The following ADGRL2 variants were observed in gnomAD, a reference collection of about 807,000 sequenced individuals.
The protein encoded by ADGRL2 is calcium-independent alpha-latrotoxin receptor 2.
ADGRL2 carries 44 observed loss-of-function variants against 157.4 expected under a neutral mutation model. The ratio of observed to expected loss-of-function variants is 0.28; its 90% CI spans 0.22 to 0.36. ADGRL2 has a LOEUF of 0.36. Ranked by LOEUF, ADGRL2 falls within the 10% of genes least tolerant of loss-of-function variation. The pLI is 1.00. For missense variants in ADGRL2, 1,510 were observed against 1,768.9 expected (o/e 0.85, Z 2.63); for synonymous variants, 585 against 624.7 (o/e 0.94, Z 0.95).
At chr1:81,681,768 G>A (rs575826058) in intron 3 of ADGRL2, among the ~76,000 whole-genome samples, 1 of 152,284 alleles carries the variant, frequency 6.6e-6, no homozygotes, top group African/African-American at 2.4e-5. Context: ...GTGGGGCTTT[G>A]CCAAGCACTT....
intron 1 of ADGRL2, among the ~76,000 whole-genome samples, chr1:81,311,636 G>C (rs1250588500): frequency 1.3e-5 from 2 of 152,120 alleles, no homozygotes; most frequent in Non-Finnish European, 2.9e-5. Context: ...ACAAATTTGA[G>C]AGGAACATCT....
chr1:81,762,094 T>C (rs190379570), intron 2 of ADGRL2, among the ~76,000 whole-genome samples: 18 of 152,230 alleles, frequency 1.2e-4, no homozygotes, highest in African/African-American at 4.1e-4. Context: ...CTCTGTTGGA[T>C]TGCAGTTGAA....
intron 1 of ADGRL2, among the ~76,000 whole-genome samples, chr1:81,411,797 G>T (rs181465027): frequency 6.6e-6 from 1 of 151,472 alleles, no homozygotes; most frequent in East Asian, 2.0e-4. Context: ...GGAGAATGGC[G>T]TGAACCCGGG....
intron 2 of ADGRL2, among the ~76,000 whole-genome samples, chr1:81,896,572 T>C (rs1017301280): frequency 2.0e-5 from 3 of 152,076 alleles, no homozygotes; most frequent in Non-Finnish European, 2.9e-5. Context: ...AAAACTTTAA[T>C]ATATATATAA....
intron 2 of ADGRL2, among the ~76,000 whole-genome samples, chr1:81,549,761 G>C (rs922858954): frequency 1.3e-5 from 2 of 152,130 alleles, no homozygotes; most frequent in African/African-American, 4.8e-5. Flanking sequence ...GAAAGAATCA[G>C]ACTAATGGGC....
chr1:81,884,724 C>G (rs1194524347), intron 2 of ADGRL2, among the ~76,000 whole-genome samples: 4 of 152,150 alleles, frequency 2.6e-5, no homozygotes, highest in Non-Finnish European at 5.9e-5. Context: ...TGACCCCATA[C>G]TGAGTTTAAG....
At chr1:81,575,431 G>A (rs1264871151) in intron 2 of ADGRL2, among the ~76,000 whole-genome samples, 1 of 151,744 alleles carries the variant, frequency 6.6e-6, no homozygotes, top group Non-Finnish European at 1.5e-5. Context: ...AAGAGAAACA[G>A]TCTGCTAATC....
chr1:81,957,469 C>T (rs1308163994), intron 11 of ADGRL2, among the ~76,000 whole-genome samples: 1 of 152,114 alleles, frequency 6.6e-6, no homozygotes, highest in African/African-American at 2.4e-5. Flanking sequence ...GAGGCCGAGG[C>T]AGGCACATTG....
At chr1:81,720,755 C>A (rs928455593) in intron 1 of ADGRL2, among the ~76,000 whole-genome samples, 1 of 151,868 alleles carries the variant, frequency 6.6e-6, no homozygotes, top group Admixed American at 6.6e-5. Flanking sequence ...CCAAAATCAA[C>A]CACAAGTCAC....
intron 1 of ADGRL2, among the ~76,000 whole-genome samples, chr1:81,707,005 G>A (rs2083757945): frequency 6.6e-6 from 1 of 152,184 alleles, no homozygotes; most frequent in South Asian, 2.1e-4. Flanking sequence ...CTAAATTGGA[G>A]GAACAGAAGA....
intron 1 of ADGRL2, chr1:81,427,561 TG>T (rs1258148688): frequency 1.3e-6 from 1 of 742,706 alleles, no homozygotes; most frequent in Non-Finnish European, 2.5e-6. Context: ...CCTATGATGG[TG>T]GTTATGGATC....
intron 1 of ADGRL2, among the ~76,000 whole-genome samples, chr1:81,818,560 G>T (rs1186267961): frequency 6.6e-6 from 1 of 152,222 alleles, no homozygotes; most frequent in East Asian, 1.9e-4. Context: ...TTCCAAGAAC[G>T]ATCCTACTTA....
At chr1:81,732,132 T>C (rs1032123323) in intron 1 of ADGRL2, among the ~76,000 whole-genome samples, 2 of 152,186 alleles carry the variant, frequency 1.3e-5, no homozygotes, top group Non-Finnish European at 2.9e-5. Context: ...CACATATTCA[T>C]TATCTTGACC....
chr1:81,705,946 C>G (rs546090882), intron 1 of ADGRL2, among the ~76,000 whole-genome samples: 54 of 152,164 alleles, frequency 3.5e-4, no homozygotes, highest in African/African-American at 1.3e-3. Flanking sequence ...CGCGGTGGCT[C>G]ATGCCTGTAA....
intron 8 of ADGRL2, 44 bp from the exon 9 acceptor site, chr1:81,951,913 C>G: frequency 2.0e-6 from 3 of 1,500,006 alleles, no homozygotes; most frequent in Middle Eastern, 1.8e-4. Context: ...AAGCTGTAAA[C>G]AGAAAAAAAA....
chr1:81,502,032 G>T, intron 2 of ADGRL2: 1 of 1,602,666 alleles, frequency 6.2e-7, no homozygotes. Context: ...GTGTTTGAAC[G>T]GGGCAACATG....
intron 2 of ADGRL2, among the ~76,000 whole-genome samples, chr1:81,450,181 C>T (rs1164645968): frequency 6.6e-6 from 1 of 152,082 alleles, no homozygotes; most frequent in Non-Finnish European, 1.5e-5. Context: ...AACCATTTGC[C>T]ATCTGAGGAA....
chr1:81,809,908 A>C (rs747254879), intron 1 of ADGRL2, among the ~76,000 whole-genome samples: 3 of 151,940 alleles, frequency 2.0e-5, no homozygotes, highest in Non-Finnish European at 2.9e-5. Flanking sequence ...CTGTGGACTG[A>C]GAAATGCTTG....
chr1:81,768,250 G>A (rs1273604212), intron 2 of ADGRL2, among the ~76,000 whole-genome samples: 1 of 151,922 alleles, frequency 6.6e-6, no homozygotes, highest in Non-Finnish European at 1.5e-5. Flanking sequence ...GTCTCACTAT[G>A]TTGCCAGGGC....
Sources: allele counts gnomAD v4.1 joint callset (sites outside exome capture counted in the v4.1 genomes callset), GRCh38; gene constraint gnomAD v4.1.1; transcripts MANE v1.5; gene names NCBI Gene and HGNC (gene_info 2026-07-23, HGNC 2026-07-21).